Variants in GALNT13 observed in about 807,000 individuals in gnomAD.
The protein encoded by GALNT13 is UDP-GalNAc:polypeptide N-acetylgalactosaminyltransferase 13.
In GALNT13, 28 loss-of-function variants were observed where a neutral mutation model predicts 64.2. The ratio of observed to expected loss-of-function variants is 0.44; its 90% CI spans 0.32 to 0.60. The LOEUF (loss-of-function observed/expected upper bound fraction) is 0.60, where lower values mean the gene tolerates loss of function less well. Among genes scored for constraint, GALNT13 ranks in the 20% least tolerant of loss-of-function variants. GALNT13 has a pLI of 0.05. For missense variants in GALNT13, 577 were observed against 669.8 expected (o/e 0.86, Z 1.53); for synonymous variants, 214 against 224.6 (o/e 0.95, Z 0.42).
chr2:154,351,935 T>A (rs1234082110), intron 9 of GALNT13, among the ~76,000 whole-genome samples: 3 of 152,140 alleles, frequency 2.0e-5, no homozygotes, highest in African/African-American at 7.2e-5. Context: ...GGTTCATTTT[T>A]CTTTGAAACA....
chr2:153,461,009 T>C, the GALNT13 span, among the ~76,000 whole-genome samples: 1 of 152,126 alleles, frequency 6.6e-6, no homozygotes, highest in Admixed American at 6.6e-5. Context: ...CATGACAGAG[T>C]TGTGGCGTAT....
At chr2:153,953,966 G>A (rs973409588) in intron 3 of GALNT13, among the ~76,000 whole-genome samples, 2 of 152,082 alleles carry the variant, frequency 1.3e-5, no homozygotes, top group Non-Finnish European at 2.9e-5. Flanking sequence ...CAGGGAGACA[G>A]ATGGCCTTGC....
intron 3 of GALNT13, among the ~76,000 whole-genome samples, chr2:154,130,787 A>G (rs2105546047): frequency 6.6e-6 from 1 of 152,210 alleles, no homozygotes; most frequent in South Asian, 2.1e-4. Flanking sequence ...TTCAAACATG[A>G]TGAATCCAGC....
chr2:154,150,021 T>C (rs1683885548), intron 4 of GALNT13, among the ~76,000 whole-genome samples: 1 of 152,234 alleles, frequency 6.6e-6, no homozygotes, highest in South Asian at 2.1e-4. Flanking sequence ...TCAAAGGGAA[T>C]GCTTCCAGTT....
the GALNT13 span, among the ~76,000 whole-genome samples, chr2:153,744,928 C>G: frequency 6.6e-6 from 1 of 151,990 alleles, no homozygotes; most frequent in African/African-American, 2.4e-5. Flanking sequence ...GGTAGGGACA[C>G]GAAGGCCTGG....
chr2:154,408,454 C>T (rs1699650013), intron 10 of GALNT13, among the ~76,000 whole-genome samples: 1 of 151,996 alleles, frequency 6.6e-6, no homozygotes, highest in Non-Finnish European at 1.5e-5. Context: ...AAAGAAGATG[C>T]ATGAAAATGT....
chr2:153,439,456 G>T, the GALNT13 span, among the ~76,000 whole-genome samples: 7 of 152,180 alleles, frequency 4.6e-5, no homozygotes, highest in African/African-American at 1.7e-4. Context: ...TTGAGCTGTG[G>T]TGGGCTCCAC....
the GALNT13 span, among the ~76,000 whole-genome samples, chr2:153,851,908 C>T: frequency 1.8e-4 from 28 of 151,900 alleles, no homozygotes; most frequent in Admixed American, 1.3e-3. Context: ...AGTACAAAGG[C>T]GGGGAGGGGA....
the GALNT13 span, among the ~76,000 whole-genome samples, chr2:153,573,324 A>C: frequency 2.0e-5 from 3 of 151,816 alleles, no homozygotes; most frequent in Admixed American, 6.6e-5. Context: ...CTTTTAGTCC[A>C]TATGTGCCTT....
At chr2:153,530,447 CAA>C in the GALNT13 span, among the ~76,000 whole-genome samples, 1 of 151,994 alleles carries the variant, frequency 6.6e-6, no homozygotes, top group Non-Finnish European at 1.5e-5. Flanking sequence ...CCATACTCCC[CAA>C]AGCAATCTAC....
In GALNT13 at chr2:154,039,524, C is replaced by T. The variant is rs945652761; in HGVS notation, c.142+94885C>T. Among the ~76,000 whole-genome samples, 5 of 139,614 alleles carry T rather than the reference C, an allele frequency of 3.6e-5. 1 individual carries two copies. Among genetic ancestry groups the T allele is most frequent in the African/African-American group, 1.2e-4 (5 of 40,690 alleles). 91.6% of individuals were successfully genotyped at this position (139,614 alleles called of 152,430 possible). The stretch of plus-strand genomic sequence containing the variant: ...TGAATCAGGCACAAAAAGATAAGTA[C>T]TGCATGTTCTCACTCAAGTGGAAGC... On this transcript the variant is annotated intron_variant, in intron 3 of 12. Transcript: ENST00000392825.
intron 9 of GALNT13, among the ~76,000 whole-genome samples, chr2:154,319,362 C>G (rs1694498416): frequency 1.3e-5 from 2 of 152,050 alleles, no homozygotes; most frequent in African/African-American, 4.8e-5. Context: ...GCTAGCATTC[C>G]TTTTGATCAA....
chr2:154,043,455 T>TATATATACACATACAC (rs1341373277), intron 3 of GALNT13, among the ~76,000 whole-genome samples: 16 of 104,992 alleles, frequency 1.5e-4, no homozygotes, highest in Non-Finnish European at 2.2e-4. Flanking sequence ...TATATATATA[T>TATATATACACATACAC]ACACACATGT....
At chr2:153,955,093 A>G (rs1252157493) in intron 3 of GALNT13, among the ~76,000 whole-genome samples, 1 of 152,192 alleles carries the variant, frequency 6.6e-6, no homozygotes, top group African/African-American at 2.4e-5. Context: ...TTGAGTCTCT[A>G]GAGCACACTG....
the GALNT13 span, among the ~76,000 whole-genome samples, chr2:153,147,950 T>A: frequency 6.6e-6 from 1 of 151,940 alleles, no homozygotes; most frequent in South Asian, 2.1e-4. Flanking sequence ...AACCTAGACA[T>A]GCTTGAGTCG....
At chr2:153,559,855 T>C in the GALNT13 span, among the ~76,000 whole-genome samples, 2 of 152,116 alleles carry the variant, frequency 1.3e-5, no homozygotes, top group Non-Finnish European at 2.9e-5. Flanking sequence ...AGGGTAAGTT[T>C]TTTGGATTTT....
the GALNT13 span, among the ~76,000 whole-genome samples, chr2:153,321,978 G>A: frequency 2.0e-5 from 3 of 151,180 alleles, no homozygotes; most frequent in East Asian, 5.8e-4. Context: ...AAAGTTGTGT[G>A]TGTGTGTGTG....
chr2:153,248,817 A>G, the GALNT13 span, among the ~76,000 whole-genome samples: 3 of 69,876 alleles, frequency 4.3e-5, no homozygotes, highest in Admixed American at 1.2e-4. Flanking sequence ...CTCTGTCTCG[A>G]AAAAAAAAAA....
chr2:153,683,037 A>G, the GALNT13 span, among the ~76,000 whole-genome samples: 1 of 151,756 alleles, frequency 6.6e-6, no homozygotes, highest in Non-Finnish European at 1.5e-5. Context: ...AAAAAAAGGA[A>G]AAACAAAATT....
Sources: gnomAD v4.1 joint callset for allele counts (sites outside exome capture counted in the v4.1 genomes callset) on GRCh38, gnomAD v4.1.1 for gene constraint, MANE v1.5 for transcripts, NCBI Gene and HGNC (gene_info 2026-07-23, HGNC 2026-07-21) for gene names.